Variants in TRPM3 observed in about 807,000 individuals in gnomAD.
TRPM3 encodes transient receptor potential cation channel subfamily M member 3, also known as long transient receptor potential channel 3.
TRPM3 carries 77 observed loss-of-function variants against 181.2 expected under a neutral mutation model. The observed-to-expected ratio is 0.42, with a 90% CI of 0.35 to 0.51. The LOEUF (loss-of-function observed/expected upper bound fraction) is 0.51, where lower values mean the gene tolerates loss of function less well. Among genes scored for constraint, TRPM3 ranks in the 20% least tolerant of loss-of-function variants. The pLI is 0.01. For missense variants in TRPM3, 1,759 were observed against 2,196.7 expected (o/e 0.80, Z 3.98); for synonymous variants, 745 against 796.4 (o/e 0.94, Z 1.09).
At chr9:70,786,657 A>G (rs1202129610) in intron 6 of TRPM3, among the ~76,000 whole-genome samples, 1 of 152,224 alleles carries the variant, frequency 6.6e-6, no homozygotes, top group African/African-American at 2.4e-5. Context: ...AGGTTATTTT[A>G]TGAAGTATTT....
intron 1 of TRPM3, among the ~76,000 whole-genome samples, chr9:71,029,159 G>A (rs1011196890): frequency 5.9e-5 from 9 of 152,006 alleles, no homozygotes; most frequent in African/African-American, 2.2e-4. Context: ...TGAAATTAAT[G>A]AGAACGAAGA....
chr9:70,975,782 C>G (rs2097296142), intron 1 of TRPM3, among the ~76,000 whole-genome samples: 2 of 152,148 alleles, frequency 1.3e-5, no homozygotes, highest in Non-Finnish European at 2.9e-5. Flanking sequence ...CTCGTTGGAA[C>G]CAGATAAGGT....
intron 1 of TRPM3, among the ~76,000 whole-genome samples, chr9:71,207,205 C>T (rs2079176310): frequency 6.6e-6 from 1 of 152,010 alleles, no homozygotes; most frequent in African/African-American, 2.4e-5. Context: ...GATTAAGACA[C>T]CATAAAAACA....
chr9:71,337,814 C>T (rs2090666142), intron 1 of TRPM3, among the ~76,000 whole-genome samples: 1 of 152,138 alleles, frequency 6.6e-6, no homozygotes, highest in African/African-American at 2.4e-5. Context: ...TCATCATTCT[C>T]AGCAAACTAA....
intron 1 of TRPM3, among the ~76,000 whole-genome samples, chr9:71,079,135 C>T (rs1437060362): frequency 1.3e-5 from 2 of 152,174 alleles, no homozygotes; most frequent in Non-Finnish European, 2.9e-5. Flanking sequence ...GAAGATTGTT[C>T]TGTTTGCACA....
intron 1 of TRPM3, among the ~76,000 whole-genome samples, chr9:71,319,245 A>T (rs201265164): frequency 3.7e-4 from 6 of 16,052 alleles, no homozygotes; most frequent in African/African-American, 5.0e-4. Flanking sequence ...GAAAGAGGTT[A>T]ATGACCGCTC....
intron 1 of TRPM3, among the ~76,000 whole-genome samples, chr9:71,204,718 T>C (rs1016046714): frequency 1.2e-4 from 19 of 152,288 alleles, no homozygotes; most frequent in African/African-American, 3.6e-4. Context: ...ATTGGGTATA[T>C]ACCCAAAGGA....
At chr9:71,249,851 C>A (rs2082240551) in intron 1 of TRPM3, among the ~76,000 whole-genome samples, 1 of 152,020 alleles carries the variant, frequency 6.6e-6, no homozygotes, top group African/African-American at 2.4e-5. Context: ...ATGAATGGGT[C>A]AGGAGATCTT....
At chr9:71,339,586 T>A (rs1211193665) in intron 1 of TRPM3, among the ~76,000 whole-genome samples, 1 of 152,130 alleles carries the variant, frequency 6.6e-6, no homozygotes, top group Non-Finnish European at 1.5e-5. Flanking sequence ...CACTTTTAAA[T>A]AAATCATGTT....
rs1038808802 is a variant in TRPM3, at chr9:70,536,496, G to C, written c.4617C>G (p.Pro1539=). The C allele has an allele frequency of 3.1e-6, 5 of 1,614,040 alleles. No homozygotes were observed. Among genetic ancestry groups the C allele is most frequent in the Admixed American group, 1.7e-5 (1 of 59,988 alleles). Residue 1539 remains proline (P), a synonymous_variant, in exon 26 of 26, where the codon CCC becomes CCG. Transcript: ENST00000677713. ...CAAAGTTGGCATAATAGCTCCTTGA[G>C]GGGGAAAACATAAAGCTATGAGATT... ...IVKSHSFMFS[P]SRSYYANFGV...
intron 1 of TRPM3, among the ~76,000 whole-genome samples, chr9:71,410,165 T>A (rs991964626): frequency 1.3e-5 from 2 of 152,036 alleles, no homozygotes; most frequent in African/African-American, 4.8e-5. Context: ...AGGAAAGATC[T>A]AAAATTGACA....
intron 1 of TRPM3, among the ~76,000 whole-genome samples, chr9:71,367,398 G>A (rs781335299): frequency 4.6e-5 from 7 of 152,154 alleles, no homozygotes; most frequent in Non-Finnish European, 1.0e-4. Context: ...TCTCCATTTT[G>A]TAGTTAAGGA....
intron 1 of TRPM3, among the ~76,000 whole-genome samples, chr9:71,186,805 T>C (rs1040389096): frequency 2.6e-5 from 4 of 152,086 alleles, no homozygotes; most frequent in Non-Finnish European, 5.9e-5. Context: ...ACATATATTA[T>C]TGTTGGACTG....
At chr9:70,821,617 A>T (rs2093176489) in intron 6 of TRPM3, among the ~76,000 whole-genome samples, 1 of 152,182 alleles carries the variant, frequency 6.6e-6, no homozygotes, top group African/African-American at 2.4e-5. Context: ...GTTTACTTAA[A>T]CACTTTCAAG....
intron 1 of TRPM3, among the ~76,000 whole-genome samples, chr9:71,053,327 T>C (rs1331039602): frequency 2.6e-5 from 4 of 152,072 alleles, no homozygotes; most frequent in Admixed American, 2.0e-4. Flanking sequence ...AGTCATCTAG[T>C]TTCCCAGCAC....
At chr9:71,438,084 A>G (rs1337670596) in intron 1 of TRPM3, among the ~76,000 whole-genome samples, 6 of 152,190 alleles carry the variant, frequency 3.9e-5, no homozygotes, top group African/African-American at 1.4e-4. Flanking sequence ...AATACAATGG[A>G]CAGAGAAACA....
Position 71,243,285 on chromosome 9 carries a change from A to G in TRPM3, c.183+203368T>C, listed in dbSNP as rs765991509. Among the ~76,000 whole-genome samples, 7 of 152,248 alleles carry G rather than the reference A, an allele frequency of 4.6e-5. No individual in the cohort carries two copies. The South Asian group carries it at 1.2e-3, about 27-fold the overall frequency. ...TTGAACTCCTGACCTCAGCCTCTCA[A>G]AGTGCTGGGATTACAGGCATGAGCC... On this transcript the variant is annotated intron_variant, in intron 1 of 24. Transcript: ENST00000357533.
intron 1 of TRPM3, among the ~76,000 whole-genome samples, chr9:71,403,880 G>A (rs534226622): frequency 6.7e-6 from 1 of 150,192 alleles, no homozygotes; most frequent in Admixed American, 6.6e-5. Flanking sequence ...GAATCCACAG[G>A]AATCAAACTT....
chr9:70,947,491 T>C (rs116819226), intron 1 of TRPM3, among the ~76,000 whole-genome samples: 1 of 152,198 alleles, frequency 6.6e-6, no homozygotes, highest in African/African-American at 2.4e-5. Flanking sequence ...TTTTTTTCCT[T>C]TTGGAATTTA....
Sources: gnomAD v4.1 joint callset for allele counts (sites outside exome capture counted in the v4.1 genomes callset) on GRCh38, gnomAD v4.1.1 for gene constraint, MANE v1.5 for transcripts, NCBI Gene and HGNC (gene_info 2026-07-23, HGNC 2026-07-21) for gene names.